GBF1: variants seen among roughly 807,000 people sequenced by gnomAD.
The protein encoded by GBF1 is golgi brefeldin A resistant guanine nucleotide exchange factor 1, also known as Golgi-specific brefeldin A-resistance guanine nucleotide exchange factor 1.
GBF1 carries 114 observed loss-of-function variants against 210.5 expected under a neutral mutation model. That is an observed-to-expected ratio of 0.54 (90% CI 0.47 to 0.63). The LOEUF is 0.63. Among genes scored for constraint, GBF1 ranks in the 30% least tolerant of loss-of-function variants. The pLI, the probability that GBF1 is intolerant of heterozygous loss-of-function variation, is 0.00. For synonymous variants in GBF1, 850 were observed against 889.2 expected (o/e 0.96, Z 0.78); for missense variants, 1,851 against 2,357.7 (o/e 0.79, Z 4.45).
chr10:102,278,540 C>T (rs972715578), intron 3 of GBF1, among the ~76,000 whole-genome samples: 1 of 152,128 alleles, frequency 6.6e-6, no homozygotes, highest in South Asian at 2.1e-4. Context: ...GTATTGGTTA[C>T]ATGTGATATT....
At chr10:102,378,975 A>G (rs562521801) in intron 33 of GBF1, among the ~76,000 whole-genome samples, 1 of 152,344 alleles carries the variant, frequency 6.6e-6, no homozygotes, top group South Asian at 2.1e-4. Flanking sequence ...TTTCTCTGTC[A>G]TCAGCAGGTG....
upstream of GBF1, among the ~76,000 whole-genome samples, chr10:102,244,500 G>C (rs888039924): frequency 4.6e-5 from 7 of 152,170 alleles, no homozygotes; most frequent in Non-Finnish European, 1.0e-4. Context: ...ATCATCTCTT[G>C]CAAGGGGAGG....
intron 1 of GBF1, among the ~76,000 whole-genome samples, chr10:102,255,352 T>C (rs2072197268): frequency 6.6e-6 from 1 of 152,202 alleles, no homozygotes. Context: ...TAGATGTTTC[T>C]TTTTTACAAT....
At chr10:102,302,047 G>A (rs2077423828) in intron 3 of GBF1, among the ~76,000 whole-genome samples, 1 of 152,362 alleles carries the variant, frequency 6.6e-6, no homozygotes, top group East Asian at 1.9e-4. Context: ...CAGATCACTC[G>A]CGGTTAGGAG....
intron 6 of GBF1, 36 bp downstream of exon 6, chr10:102,351,987 G>T: frequency 8.9e-7 from 1 of 1,125,836 alleles, no homozygotes; most frequent in Non-Finnish European, 1.4e-6. Context: ...CACCATTCCT[G>T]GGGCCAGTGT....
At chr10:102,343,177 T>C (rs1006717554) in intron 3 of GBF1, among the ~76,000 whole-genome samples, 51 of 152,296 alleles carry the variant, frequency 3.3e-4, no homozygotes, top group African/African-American at 1.1e-3. Context: ...AAGAGACTGC[T>C]CAGCCTTTTG....
Position 102,370,495 on chromosome 10 carries a change from C to G in GBF1, c.3506+17C>G, listed in dbSNP as rs2060144271. On this transcript the variant is annotated intron_variant, in intron 28 of 39. Coordinates refer to ENST00000369983, the MANE Select transcript of GBF1 (RefSeq NM_001377137.1). ...GGAGAACAGGTAAGATGAGCGTAGT[C>G]TTTAGGCAGACCCCATGCTGGGCTT... 6.3e-7 allele frequency: 1 copy of G among 1,578,066 alleles called. No homozygotes were observed. The highest frequency in any genetic ancestry group is 8.7e-7 in the Non-Finnish European group (1 of 1,147,044).
intron 3 of GBF1, among the ~76,000 whole-genome samples, chr10:102,298,239 A>G (rs1240887419): frequency 6.6e-6 from 1 of 152,056 alleles, no homozygotes; most frequent in Non-Finnish European, 1.5e-5. Flanking sequence ...GGCCGAAACT[A>G]ATAGTTTTAA....
intron 2 of GBF1, among the ~76,000 whole-genome samples, chr10:102,259,490 C>G (rs1373718695): frequency 6.6e-6 from 1 of 152,048 alleles, no homozygotes; most frequent in Admixed American, 6.6e-5. Flanking sequence ...GAGTAAGAAA[C>G]TTACCTGTTA....
intron 30 of GBF1, among the ~76,000 whole-genome samples, chr10:102,376,006 A>G (rs2060475349): frequency 6.6e-6 from 1 of 151,862 alleles, no homozygotes; most frequent in Non-Finnish European, 1.5e-5. Context: ...AGCCTTCTGC[A>G]TTGCTTATTT....
At chr10:102,332,757 CT>C (rs1191463227) in intron 3 of GBF1, among the ~76,000 whole-genome samples, 1 of 152,104 alleles carries the variant, frequency 6.6e-6, no homozygotes, top group Non-Finnish European at 1.5e-5. Flanking sequence ...TCTATGGATC[CT>C]GATTTTTACC....
Position 102,375,397 on chromosome 10 carries a change from C to G in GBF1, c.3699C>G (p.Pro1233=). The change falls in exon 30 of 40, where the codon CCC becomes CCG. Residue 1233 remains proline (P), a synonymous_variant. Coordinates refer to ENST00000369983, the MANE Select transcript of GBF1 (RefSeq NM_001377137.1). The part of the protein sequence containing the change: ...LSLRILLLMK[P]SVLSRVSHQV... Reference sequence around the variant, plus strand: ...TGCGCATTTTGCTACTGATGAAGCCCAGTGTGCTATCCCGAGTCAGCCACC... The same window carrying G: ...TGCGCATTTTGCTACTGATGAAGCCGAGTGTGCTATCCCGAGTCAGCCACC... The G allele has an allele frequency of 6.2e-7, 1 of 1,613,748 alleles. No individual in the cohort carries two copies. The highest frequency in any genetic ancestry group is 2.2e-5 in the East Asian group (1 of 44,868).
At chr10:102,285,900 GTGTT>G (rs2075894219) in intron 3 of GBF1, among the ~76,000 whole-genome samples, 1 of 151,476 alleles carries the variant, frequency 6.6e-6, no homozygotes, top group Admixed American at 6.6e-5. Context: ...GCTATTTAAT[GTGTT>G]TGCTGTATCT....
In GBF1 at chr10:102,351,331, C is replaced by A; in HGVS notation, c.371C>A (p.Thr124Lys). 1 of 1,609,168 alleles carries A rather than the reference C, an allele frequency of 6.2e-7. No homozygotes were observed. Among genetic ancestry groups the A allele is most frequent in the Non-Finnish European group, 8.5e-7 (1 of 1,175,482 alleles). The change falls in exon 5 of 40, where the codon ACG becomes AAG. Residue 124 changes from threonine (T) to lysine (K), a missense_variant. Physicochemically the swap from Thr to Lys is moderately conservative, Grantham distance 78 (BLOSUM62 -1). This residue lies in a region of GBF1 where 804 missense variants were observed against 958.6 expected (regional missense o/e 0.84). Transcript: ENST00000369983. ...DAVTHARFVG[T>K]DPASDEVVLM... The stretch of plus-strand genomic sequence containing the variant: ...GTCACCCATGCTCGTTTTGTGGGCA[C>A]GGATCCTGCCAGTGATGAAGTTGTC...
chr10:102,284,347 C>A (rs950683107), intron 3 of GBF1, among the ~76,000 whole-genome samples: 11 of 152,002 alleles, frequency 7.2e-5, no homozygotes, highest in African/African-American at 2.7e-4. Context: ...TCACAATGTA[C>A]CCTATCTAAT....
At position 102,361,847 on chromosome 10, in the gene GBF1, A is replaced by G; in HGVS notation, c.1621A>G (p.Ile541Val). 1 of 1,613,958 alleles carries G rather than the reference A, an allele frequency of 6.2e-7. No individual in the cohort carries two copies. The highest frequency in any genetic ancestry group is 8.5e-7 in the Non-Finnish European group (1 of 1,179,888). Residue 541 changes from isoleucine (I) to valine (V), a missense_variant, in exon 14 of 40, where the codon ATC (isoleucine) becomes GTC (valine). By Grantham distance (29) the Ile-to-Val change is conservative. Coordinates refer to ENST00000369983, the MANE Select transcript of GBF1 (RefSeq NM_001377137.1). ...CCCCAGCTTTGTCACAGAGCTCTAC[A>G]TCAACTATGATTGTGACTACTACTG... ...RIPSFVTELY[I>V]NYDCDYYCSN...
the GBF1 span, among the ~76,000 whole-genome samples, chr10:102,238,131 A>G: frequency 2.6e-5 from 4 of 151,850 alleles, no homozygotes; most frequent in Non-Finnish European, 5.9e-5. Flanking sequence ...TCTTCCCCCA[A>G]CTCTTACCCC....
the GBF1 span, among the ~76,000 whole-genome samples, chr10:102,236,905 T>G: frequency 6.6e-6 from 1 of 152,200 alleles, no homozygotes; most frequent in Non-Finnish European, 1.5e-5. Flanking sequence ...GGTCCTTAAG[T>G]GGACATGGCT....
chr10:102,231,917 G>T, the GBF1 span: 1 of 1,564,736 alleles, frequency 6.4e-7, no homozygotes, highest in Non-Finnish European at 8.8e-7. Flanking sequence ...CCCGCACTGG[G>T]GATGAAGCTG....
Sources: gnomAD v4.1 joint callset for allele counts (sites outside exome capture counted in the v4.1 genomes callset) on GRCh38, gnomAD v4.1.1 for gene constraint, gnomAD v4.1.1 regional missense constraint, MANE v1.5 for transcripts, NCBI Gene and HGNC (gene_info 2026-07-23, HGNC 2026-07-21) for gene names.